The following RNF217 variants were observed in gnomAD, a reference collection of about 807,000 sequenced individuals.
The protein encoded by RNF217 is E3 ubiquitin-protein ligase RNF217.
A neutral mutation model predicts 57.8 loss-of-function variants in RNF217; 31 were observed. That is an observed-to-expected ratio of 0.54 (90% CI 0.40 to 0.72). RNF217 has a LOEUF of 0.72. Ranked by LOEUF, RNF217 falls within the 30% of genes least tolerant of loss-of-function variation. RNF217 has a pLI of 0.00. For missense variants in RNF217, 696 were observed against 708.3 expected (o/e 0.98, Z 0.20); for synonymous variants, 313 against 294.0 (o/e 1.06, Z -0.66).
chr6:124,982,026 C>CAAAAA (rs373182508), intron 1 of RNF217, among the ~76,000 whole-genome samples: 1 of 58,384 alleles, frequency 1.7e-5, no homozygotes, highest in African/African-American at 7.4e-5. Flanking sequence ...GACTCTGTCT[C>CAAAAA]AAAAAAAAAA....
At chr6:124,973,036 T>C (rs1391948409) in intron 1 of RNF217, among the ~76,000 whole-genome samples, 1 of 152,328 alleles carries the variant, frequency 6.6e-6, no homozygotes, top group East Asian at 1.9e-4. Context: ...TTAAGTTTAT[T>C]CCACAAATAA....
intron 2 of RNF217, among the ~76,000 whole-genome samples, chr6:125,045,721 T>C (rs1188507212): frequency 6.6e-6 from 1 of 152,106 alleles, no homozygotes; most frequent in Non-Finnish European, 1.5e-5. Context: ...TAATAGTTAC[T>C]ACTACCAAAT....
At chr6:125,027,543 T>A (rs1786155472) in intron 1 of RNF217, among the ~76,000 whole-genome samples, 1 of 152,222 alleles carries the variant, frequency 6.6e-6, no homozygotes, top group Non-Finnish European at 1.5e-5. Context: ...ACATTTTCTT[T>A]ACCATTTGTC....
rs1788974713 is a variant in RNF217 at position 125,092,196 on chromosome 6, G to A, written c.*9259G>A. On this transcript the variant is annotated 3_prime_UTR_variant, in exon 6 of 6. Transcript: ENST00000521654. ...TCTATTACCTCAAGAATTTTCAGTCGATATGTCAATGTACTGTTCCTTCTC... is the reference window on the plus strand; with the variant it reads ...TCTATTACCTCAAGAATTTTCAGTCAATATGTCAATGTACTGTTCCTTCTC... The A allele has an allele frequency of 6.6e-6, 1 of 151,618 alleles. No homozygotes were observed. The highest frequency in any genetic ancestry group is 2.4e-5 in the African/African-American group (1 of 41,246). The allele number at this position is 151,618 out of a possible 1,614,324, so 9.4% of individuals were successfully genotyped here.
chr6:125,084,391 G>A lies in RNF217; in HGVS notation c.*1454G>A, dbSNP rs1327369659. ...ATATGCCTTTGCTTTCATCACAAAA[G>A]TTCATCAGCAAACAGGAAAAAAAAA... On this transcript the variant is annotated 3_prime_UTR_variant, in exon 6 of 6. Coordinates refer to ENST00000521654, the MANE Select transcript of RNF217 (RefSeq NM_001286398.3). The A allele has an allele frequency of 1.3e-5, 2 of 151,436 alleles. No individual in the cohort carries two copies. Among genetic ancestry groups the A allele is most frequent in the African/African-American group, 4.8e-5 (2 of 41,238 alleles). The allele number at this position is 151,436 out of a possible 1,614,324, so 9.4% of individuals were successfully genotyped here.
chr6:125,027,401 T>C (rs1399951836), intron 1 of RNF217, among the ~76,000 whole-genome samples: 2 of 152,220 alleles, frequency 1.3e-5, no homozygotes, highest in African/African-American at 4.8e-5. Flanking sequence ...AGTGAGAACA[T>C]GCAATGTTTG....
At chr6:124,991,404 A>G (rs112059626) in intron 1 of RNF217, among the ~76,000 whole-genome samples, 9 of 152,322 alleles carry the variant, frequency 5.9e-5, no homozygotes, top group African/African-American at 2.2e-4. Context: ...GCCTTCTTTT[A>G]GCAACCCATG....
intron 1 of RNF217, among the ~76,000 whole-genome samples, chr6:125,042,824 T>TA (rs1786936632): frequency 1.3e-5 from 2 of 151,920 alleles, no homozygotes; most frequent in African/African-American, 4.8e-5. Flanking sequence ...TTGCTATCAT[T>TA]TACATAGTTA....
At chr6:125,011,286 A>G (rs562396232) in intron 1 of RNF217, among the ~76,000 whole-genome samples, 67 of 152,342 alleles carry the variant, frequency 4.4e-4, no homozygotes, top group African/African-American at 1.5e-3. Context: ...ATAGGTAATA[A>G]TAATGGCCAT....
At chr6:125,056,111 T>C (rs1787514293) in intron 2 of RNF217, among the ~76,000 whole-genome samples, 1 of 152,202 alleles carries the variant, frequency 6.6e-6, no homozygotes, top group Non-Finnish European at 1.5e-5. Flanking sequence ...TTTAATGATA[T>C]GACCATCTTT....
At chr6:125,071,285 C>T (rs1054763995) in intron 3 of RNF217, among the ~76,000 whole-genome samples, 4 of 152,134 alleles carry the variant, frequency 2.6e-5, no homozygotes, top group African/African-American at 9.7e-5. Flanking sequence ...TTTTCCCAGG[C>T]TCAAAGTAAG....
chr6:124,979,837 A>C (rs1784095480), intron 1 of RNF217, among the ~76,000 whole-genome samples: 1 of 152,202 alleles, frequency 6.6e-6, no homozygotes, highest in Non-Finnish European at 1.5e-5. Context: ...AAGCAGGGAA[A>C]TGGGTTAGGA....
chr6:125,035,640 G>A (rs1786580743), intron 1 of RNF217, among the ~76,000 whole-genome samples: 1 of 151,930 alleles, frequency 6.6e-6, no homozygotes, highest in African/African-American at 2.4e-5. Flanking sequence ...ATATTAATTG[G>A]TAAACAAAGA....
At chr6:125,057,261 C>T (rs1304170996) in intron 2 of RNF217, among the ~76,000 whole-genome samples, 2 of 152,138 alleles carry the variant, frequency 1.3e-5, no homozygotes, top group South Asian at 2.1e-4. Flanking sequence ...ACTGCAACCT[C>T]CGCCTCCTGG....
chr6:125,081,883 A>G (rs957884892), intron 5 of RNF217, among the ~76,000 whole-genome samples: 23 of 152,090 alleles, frequency 1.5e-4, no homozygotes, highest in Non-Finnish European at 2.8e-4. Context: ...TATGTGTTTC[A>G]TTTGGTCCAG....
At chr6:125,006,208 A>G (rs971330873) in intron 1 of RNF217, 2 of 152,150 alleles carry the variant, frequency 1.3e-5, no homozygotes, top group Non-Finnish European at 2.9e-5. Flanking sequence ...GGAGATGTTT[A>G]TGTTGCAATA....
intron 1 of RNF217, among the ~76,000 whole-genome samples, chr6:124,970,927 C>T (rs1293806085): frequency 6.6e-6 from 1 of 152,180 alleles, no homozygotes; most frequent in African/African-American, 2.4e-5. Context: ...TGAAATTGAC[C>T]ATCAGATTTC....
At chr6:125,009,559 GGCA>G (rs1440490308) in intron 1 of RNF217, 4 of 347,932 alleles carry the variant, frequency 1.1e-5, no homozygotes, top group Non-Finnish European at 2.1e-5. Flanking sequence ...GTTGGTGCCT[GGCA>G]GCTGACTATT....
chr6:125,058,097 A>C lies in RNF217; in HGVS notation c.1272A>C (p.Pro424=). 1.2e-6 allele frequency: 2 copies of C among 1,611,146 alleles called. No homozygotes were observed. Among genetic ancestry groups the C allele is most frequent in the Non-Finnish European group, 1.7e-6 (2 of 1,178,518 alleles). ...GGCAGAGGAATGCCCAGAAGTGTCCAAAGTGCAAGGTGAGATAACTTTTAG... is the reference window on the plus strand; with the variant it reads ...GGCAGAGGAATGCCCAGAAGTGTCCCAAGTGCAAGGTGAGATAACTTTTAG... ...EHGQRNAQKC[P]KCKIHIQRTE... is the part of the protein sequence containing the mutation. The change falls in exon 3 of 6, where the codon CCA becomes CCC. Residue 424 remains proline, a synonymous_variant. Coordinates refer to ENST00000521654, the MANE Select transcript of RNF217 (RefSeq NM_001286398.3).
Sources: gnomAD v4.1 joint callset for allele counts (sites outside exome capture counted in the v4.1 genomes callset) on GRCh38, gnomAD v4.1.1 for gene constraint, MANE v1.5 for transcripts, NCBI Gene and HGNC (gene_info 2026-07-23, HGNC 2026-07-21) for gene names.